Variants in SYBU observed in about 807,000 individuals in gnomAD.
SYBU encodes the protein syntabulin.
SYBU carries 21 observed loss-of-function variants against 35.9 expected under a neutral mutation model. The observed-to-expected ratio is 0.58, with a 90% CI of 0.41 to 0.84. The LOEUF (loss-of-function observed/expected upper bound fraction) is 0.84, where lower values mean the gene tolerates loss of function less well. Ranked by LOEUF, SYBU falls within the 40% of genes least tolerant of loss-of-function variation. The pLI is 0.00. For missense variants in SYBU, 768 were observed against 848.2 expected (o/e 0.91, Z 1.17); for synonymous variants, 319 against 324.3 (o/e 0.98, Z 0.18).
At chr8:109,644,307 C>A in intron 1 of SYBU, 1 of 547,836 alleles carries the variant, frequency 1.8e-6, no homozygotes, top group Non-Finnish European at 3.5e-6. Flanking sequence ...CCTCTTTTCC[C>A]AGTCGCGGAT....
At chr8:109,684,580 G>A (rs1393981659), upstream of SYBU, among the ~76,000 whole-genome samples, 2 of 152,146 alleles carry the variant, frequency 1.3e-5, no homozygotes, top group Non-Finnish European at 2.9e-5. Context: ...GGTCTTGTTG[G>A]AAACTGAAAA....
upstream of SYBU, among the ~76,000 whole-genome samples, chr8:109,649,312 C>A (rs896033289): frequency 6.6e-6 from 1 of 151,966 alleles, no homozygotes; most frequent in Admixed American, 6.6e-5. Flanking sequence ...CAACCCTTGT[C>A]TTAATGTATG....
chr8:109,627,921 C>T (rs1405840633), intron 2 of SYBU, among the ~76,000 whole-genome samples: 1 of 152,218 alleles, frequency 6.6e-6, no homozygotes, highest in African/African-American at 2.4e-5. Context: ...TATTCCTTCA[C>T]CCAATTTTAG....
At chr8:109,599,261 G>T (rs1044691350) in intron 3 of SYBU, among the ~76,000 whole-genome samples, 148 of 152,272 alleles carry the variant, frequency 9.7e-4, no homozygotes, top group African/African-American at 3.3e-3. Flanking sequence ...TTTCGACAAA[G>T]ATAATAGGAT....
chr8:109,585,326 T>C (rs1295422502), intron 4 of SYBU, among the ~76,000 whole-genome samples: 4 of 152,244 alleles, frequency 2.6e-5, no homozygotes, highest in African/African-American at 2.4e-5. Flanking sequence ...ATGCTTGCTA[T>C]GCTCCATGCT....
chr8:109,641,010 C>T (rs1441225121), intron 2 of SYBU, among the ~76,000 whole-genome samples: 2 of 152,116 alleles, frequency 1.3e-5, no homozygotes, highest in African/African-American at 4.8e-5. Context: ...ATCATAGCAT[C>T]CTGATTCATG....
At chr8:109,682,748 T>G (rs1817429722), upstream of SYBU, among the ~76,000 whole-genome samples, 1 of 152,132 alleles carries the variant, frequency 6.6e-6, no homozygotes, top group Non-Finnish European at 1.5e-5. Flanking sequence ...ATCAAAGATC[T>G]TTGCAGCAGT....
intron 3 of SYBU, among the ~76,000 whole-genome samples, chr8:109,590,963 T>C (rs1351275893): frequency 6.6e-6 from 1 of 152,190 alleles, no homozygotes; most frequent in African/African-American, 2.4e-5. Flanking sequence ...CATTAAGGGT[T>C]TGTGAAAACA....
At chr8:109,667,264 C>T (rs1187781572) in intron 1 of SYBU, among the ~76,000 whole-genome samples, 2 of 151,942 alleles carry the variant, frequency 1.3e-5, no homozygotes, top group Admixed American at 1.3e-4. Context: ...CTACAGGTGC[C>T]CACCACTACG....
chr8:109,639,061 G>A (rs1451135011), intron 2 of SYBU, among the ~76,000 whole-genome samples: 1 of 152,126 alleles, frequency 6.6e-6, no homozygotes, highest in Non-Finnish European at 1.5e-5. Context: ...GAGTGCGGAG[G>A]GAAAACAGAA....
Position 109,584,006 on chromosome 8 carries a change from C to CG in SYBU, c.530+2053dup, listed in dbSNP as rs1823341712. Among the ~76,000 whole-genome samples the CG allele has an allele frequency of 4.0e-5, 6 of 150,960 alleles. No homozygotes were observed. The highest frequency in any genetic ancestry group is 2.6e-4 in the Admixed American group (4 of 15,156). On this transcript the variant is annotated intron_variant, in intron 4 of 6. Coordinates refer to ENST00000276646, the MANE Select transcript of SYBU (RefSeq NM_001099754.2). The surrounding 1 kb of genome is among the most constrained non-coding windows in gnomAD (Gnocchi z 4.0). Reference sequence around the variant, plus strand: ...TTTTTTTTTGTATTTTTAGTAGACACGGGGTTTCACCATATTAGCCAGGCT... The same window carrying CG: ...TTTTTTTTTGTATTTTTAGTAGACACGGGGGTTTCACCATATTAGCCAGGCT...
At chr8:109,598,588 T>C (rs951801403) in intron 3 of SYBU, among the ~76,000 whole-genome samples, 1 of 152,238 alleles carries the variant, frequency 6.6e-6, no homozygotes, top group African/African-American at 2.4e-5. Flanking sequence ...CTCATCATCA[T>C]CATCATCATT....
chr8:109,614,823 T>C (rs1425315191), intron 3 of SYBU, among the ~76,000 whole-genome samples: 1 of 152,236 alleles, frequency 6.6e-6, no homozygotes, highest in South Asian at 2.1e-4. Context: ...TAAATCTGCA[T>C]AGGCATTAAG....
intron 2 of SYBU, among the ~76,000 whole-genome samples, chr8:109,625,088 T>G (rs1812839467): frequency 6.6e-6 from 1 of 152,164 alleles, no homozygotes; most frequent in Non-Finnish European, 1.5e-5. Flanking sequence ...GTTAATCATG[T>G]TAGAAATGAA....
At chr8:109,675,311 G>A (rs910727224) in intron 1 of SYBU, among the ~76,000 whole-genome samples, 1 of 152,190 alleles carries the variant, frequency 6.6e-6, no homozygotes, top group Non-Finnish European at 1.5e-5. Flanking sequence ...GAAGTAGATA[G>A]AGACAAGAAA....
In SYBU at chr8:109,642,724, G is replaced by C; in HGVS notation, c.229+4C>G. ...CCTCTGGTGGCCTCCCGAGGGTACTGTACCTGAGCAGAAGCTGTTGCTGCT... is the reference window on the plus strand; with the variant it reads ...CCTCTGGTGGCCTCCCGAGGGTACTCTACCTGAGCAGAAGCTGTTGCTGCT... On this transcript the variant is annotated splice_donor_region_variant and intron_variant, in intron 2 of 6. Coordinates refer to ENST00000276646, the MANE Select transcript of SYBU (RefSeq NM_001099754.2). 1 of 1,594,716 alleles carries C rather than the reference G, an allele frequency of 6.3e-7. No individual in the cohort carries two copies. The highest frequency in any genetic ancestry group is 8.5e-7 in the Non-Finnish European group (1 of 1,170,530).
At chr8:109,660,277 A>G (rs1353823619) in intron 1 of SYBU, among the ~76,000 whole-genome samples, 2 of 152,222 alleles carry the variant, frequency 1.3e-5, no homozygotes, top group African/African-American at 4.8e-5. Flanking sequence ...AATGGCTTCC[A>G]TCAGTACTAT....
chr8:109,645,027 G>A (rs993761192), upstream of SYBU: 6 of 486,088 alleles, frequency 1.2e-5, no homozygotes, highest in East Asian at 4.8e-5. Flanking sequence ...CCCTCTCCAA[G>A]GAGCTCGGCC....
Position 109,575,752 on chromosome 8 carries a change from G to T in SYBU, c.1146C>A (p.Gly382=). 1.2e-6 allele frequency: 2 copies of T among 1,614,162 alleles called. No homozygotes were observed. Among genetic ancestry groups the T allele is most frequent in the Non-Finnish European group, 1.7e-6 (2 of 1,180,028 alleles). ...CTAGGCACAGTTCGTCCCTCAGAGA[G>T]CCACTGTGTGCCATCTCCATGCTCT... ...LLQSMEMAHS[G]SLRDELCLDF... is the part of the protein sequence containing the mutation. Residue 382 remains glycine (G), a synonymous_variant, in exon 7 of 7, where the codon GGC becomes GGA. Transcript: ENST00000276646.
Sources: allele counts gnomAD v4.1 joint callset (sites outside exome capture counted in the v4.1 genomes callset), GRCh38; gene constraint gnomAD v4.1.1; non-coding constraint Gnocchi (gnomAD v3.1); transcripts MANE v1.5; gene names NCBI Gene and HGNC (gene_info 2026-07-23, HGNC 2026-07-21).